Variants in PRKCE observed in about 807,000 individuals in gnomAD.
PRKCE encodes protein kinase C epsilon, also known as protein kinase C epsilon type.
Under a neutral mutation model 85.4 loss-of-function variants are expected in PRKCE, and 16 were observed. That is an observed-to-expected ratio of 0.19 (90% confidence interval 0.13 to 0.28). PRKCE has a LOEUF of 0.28. Ranked by LOEUF, PRKCE falls within the 10% of genes least tolerant of loss-of-function variation. PRKCE has a pLI of 1.00. For synonymous variants in PRKCE, 388 were observed against 371.5 expected, an observed-to-expected ratio of 1.04 and a Z score of -0.51; for missense variants, 573 against 975.2, an observed-to-expected ratio of 0.59 and a Z score of 5.49.
At chr2:45,890,693 TC>T (rs1458774537) in intron 2 of PRKCE, among the ~76,000 whole-genome samples, 2 of 152,180 alleles carry the variant, frequency 1.3e-5, no homozygotes, top group African/African-American at 2.4e-5. Context: ...TTCAAAACTT[TC>T]TAAACATCAT....
At chr2:45,886,548 A>G (rs1024710469) in intron 2 of PRKCE, among the ~76,000 whole-genome samples, 1 of 152,236 alleles carries the variant, frequency 6.6e-6, no homozygotes, top group Non-Finnish European at 1.5e-5. Context: ...GAACTACCTA[A>G]CTACATGGGC....
chr2:45,881,036 C>T (rs1414537902), intron 2 of PRKCE, among the ~76,000 whole-genome samples: 1 of 151,004 alleles, frequency 6.6e-6, no homozygotes, highest in African/African-American at 2.4e-5. Context: ...GCCTGTAGTC[C>T]CAGCTACTTG....
intron 2 of PRKCE, among the ~76,000 whole-genome samples, chr2:45,847,432 C>T (rs1691884706): frequency 6.6e-6 from 1 of 152,234 alleles, no homozygotes; most frequent in Non-Finnish European, 1.5e-5. Flanking sequence ...TTTTAGAAAT[C>T]TTAACTCAAC....
rs149335584 is a variant in PRKCE at position 45,734,811 on chromosome 2, A to G, written c.348+82363A>G. ...CTCCCCAGGACTATTGCCTCAGCAG[A>G]AGAGAAGCCCCTTCCTGAGGGCAGC... On this transcript the variant is annotated intron_variant, in intron 1 of 14. Coordinates refer to ENST00000306156, the MANE Select transcript of PRKCE (RefSeq NM_005400.3). Among the ~76,000 whole-genome samples the G allele has an allele frequency of 2.8e-4, 42 of 152,250 alleles. No individual in the cohort carries two copies. The East Asian group carries it at 8.1e-3, about 29-fold the overall frequency.
intron 1 of PRKCE, among the ~76,000 whole-genome samples, chr2:45,706,153 T>TG (rs944298852): frequency 5.6e-4 from 85 of 152,236 alleles, no homozygotes; most frequent in African/African-American, 2.0e-3. Flanking sequence ...GTAGAAGCCC[T>TG]GGGGGAAAAG....
chr2:45,893,656 C>T (rs1372505330), intron 2 of PRKCE, among the ~76,000 whole-genome samples: 1 of 151,600 alleles, frequency 6.6e-6, no homozygotes, highest in East Asian at 2.0e-4. Flanking sequence ...GCCACCAAGC[C>T]CAGCCTGGCT....
At chr2:45,841,618 A>G (rs923631094) in intron 1 of PRKCE, among the ~76,000 whole-genome samples, 2 of 152,198 alleles carry the variant, frequency 1.3e-5, no homozygotes, top group African/African-American at 4.8e-5. Context: ...CTCCTTTGGC[A>G]GCACCCTCAC....
At chr2:45,723,977 T>C (rs983435712) in intron 1 of PRKCE, among the ~76,000 whole-genome samples, 4 of 152,216 alleles carry the variant, frequency 2.6e-5, no homozygotes, top group Non-Finnish European at 4.4e-5. Context: ...AGACCCTGCT[T>C]TCAGCTCTCA....
chr2:45,788,136 T>G (rs1686758289), intron 1 of PRKCE, among the ~76,000 whole-genome samples: 1 of 152,218 alleles, frequency 6.6e-6, no homozygotes. Context: ...TGTCTCCTAC[T>G]GAAGTCTGTG....
intron 2 of PRKCE, among the ~76,000 whole-genome samples, chr2:45,883,189 T>C (rs967820300): frequency 1.8e-4 from 27 of 152,252 alleles, no homozygotes; most frequent in African/African-American, 5.8e-4. Flanking sequence ...ATGCTGCCAT[T>C]TGGGGACTTC....
chr2:45,866,980 T>C (rs1367543457), intron 2 of PRKCE, among the ~76,000 whole-genome samples: 1 of 152,184 alleles, frequency 6.6e-6, no homozygotes. Context: ...TGATAGACTA[T>C]TTAAAAAAGA....
At chr2:45,830,117 A>C (rs1274719762) in intron 1 of PRKCE, among the ~76,000 whole-genome samples, 1 of 151,932 alleles carries the variant, frequency 6.6e-6, no homozygotes, top group Non-Finnish European at 1.5e-5. Flanking sequence ...TCTTTGAAAA[A>C]GAAATAGTAT....
intron 9 of PRKCE, among the ~76,000 whole-genome samples, chr2:46,007,863 T>C (rs938121333): frequency 2.0e-5 from 3 of 152,212 alleles, no homozygotes; most frequent in African/African-American, 7.2e-5. Context: ...GACTTTCAAG[T>C]AGTGATTTAA....
At chr2:45,810,278 T>G (rs1009589891) in intron 1 of PRKCE, among the ~76,000 whole-genome samples, 3 of 152,040 alleles carry the variant, frequency 2.0e-5, no homozygotes, top group Non-Finnish European at 1.5e-5. Context: ...TGACCTCAGG[T>G]GATCCACCCG....
At chr2:45,870,236 G>C (rs749918649) in intron 2 of PRKCE, among the ~76,000 whole-genome samples, 4 of 152,176 alleles carry the variant, frequency 2.6e-5, no homozygotes, top group Non-Finnish European at 5.9e-5. Flanking sequence ...GGTTGACTAG[G>C]TTGCTAGAAA....
At chr2:45,917,578 C>G (rs1697897606) in intron 2 of PRKCE, among the ~76,000 whole-genome samples, 1 of 152,240 alleles carries the variant, frequency 6.6e-6, no homozygotes, top group African/African-American at 2.4e-5. Flanking sequence ...CTCCACGTCC[C>G]CACCAGATTC....
intron 2 of PRKCE, among the ~76,000 whole-genome samples, chr2:45,864,703 T>A (rs1357822039): frequency 6.6e-6 from 1 of 152,214 alleles, no homozygotes; most frequent in Non-Finnish European, 1.5e-5. Flanking sequence ...ACCATTCCTA[T>A]GGATTATAAA....
At chr2:46,151,516 G>A (rs898330071) in intron 13 of PRKCE, among the ~76,000 whole-genome samples, 1 of 152,190 alleles carries the variant, frequency 6.6e-6, no homozygotes, top group South Asian at 2.1e-4. Flanking sequence ...CCTGAGATGA[G>A]GCACTGTGTA....
intron 10 of PRKCE, among the ~76,000 whole-genome samples, chr2:46,027,552 G>A (rs72806735): frequency 0.25 from 38,247 of 151,852 alleles, 5,285 homozygotes; most frequent in African/African-American, 0.36. Context: ...ATTCTCATTC[G>A]TAGGTATATT....
Sources: gnomAD v4.1 joint callset for allele counts (sites outside exome capture counted in the v4.1 genomes callset) on GRCh38, gnomAD v4.1.1 for gene constraint, MANE v1.5 for transcripts, NCBI Gene and HGNC (gene_info 2026-07-23, HGNC 2026-07-21) for gene names.